The following PTPRR variants were observed in gnomAD, a reference collection of about 807,000 sequenced individuals.
PTPRR encodes the protein receptor-type tyrosine-protein phosphatase R.
In PTPRR, 38 loss-of-function variants were observed where a neutral mutation model predicts 77.2. That is an observed-to-expected ratio of 0.49 (90% CI 0.38 to 0.65). The LOEUF (loss-of-function observed/expected upper bound fraction) is 0.65. Ranked by LOEUF, PTPRR falls within the 30% of genes least tolerant of loss-of-function variation. The probability of loss-of-function intolerance (pLI) is 0.00; values close to 1 mark genes in which losing one functional copy is unlikely to be tolerated. For synonymous variants in PTPRR, 299 were observed against 283.1 expected, an observed-to-expected ratio of 1.06 and a Z score of -0.57; for missense variants, 744 against 799.2, an observed-to-expected ratio of 0.93 and a Z score of 0.83.
At chr12:70,821,214 T>TTTTTTTTTTTTTTTTTTTTTTTG in intron 2 of PTPRR, among the ~76,000 whole-genome samples, 1 of 27,876 alleles carries the variant, frequency 3.6e-5, no homozygotes, top group Non-Finnish European at 5.6e-5. Flanking sequence ...GGATCACTGC[T>TTTTTTTTTTTTTTTTTTTTTTTG]TTTTTTTTTT....
At chr12:70,743,530 A>G (rs1890118300) in intron 6 of PTPRR, among the ~76,000 whole-genome samples, 2 of 152,194 alleles carry the variant, frequency 1.3e-5, no homozygotes, top group South Asian at 4.1e-4. Context: ...GTACAGCTGA[A>G]GGTAGAGGAG....
At chr12:70,820,661 G>A (rs1891991489) in intron 2 of PTPRR, among the ~76,000 whole-genome samples, 1 of 152,064 alleles carries the variant, frequency 6.6e-6, no homozygotes, top group Non-Finnish European at 1.5e-5. Flanking sequence ...TCTCATCCTT[G>A]GGCTCTGCCT....
intron 2 of PTPRR, among the ~76,000 whole-genome samples, chr12:70,862,418 T>G (rs868527631): frequency 2.0e-5 from 3 of 151,890 alleles, no homozygotes; most frequent in Non-Finnish European, 4.4e-5. Context: ...CCATAAAAAA[T>G]GATGAGTTCA....
At chr12:70,765,271 A>T (rs2136968821) in intron 2 of PTPRR, among the ~76,000 whole-genome samples, 1 of 152,290 alleles carries the variant, frequency 6.6e-6, no homozygotes, top group South Asian at 2.1e-4. Flanking sequence ...GAAAGGGGTG[A>T]CAGACGGCAC....
intron 2 of PTPRR, among the ~76,000 whole-genome samples, chr12:70,769,532 C>A (rs1418784845): frequency 6.6e-6 from 1 of 152,160 alleles, no homozygotes; most frequent in African/African-American, 2.4e-5. Flanking sequence ...AATGGAAGAA[C>A]ATTCCATGCT....
At chr12:70,801,734 T>C (rs1479825482) in intron 2 of PTPRR, among the ~76,000 whole-genome samples, 2 of 145,376 alleles carry the variant, frequency 1.4e-5, no homozygotes, top group Non-Finnish European at 3.0e-5. Flanking sequence ...GAGCCACTCC[T>C]TATAATAAAT....
At chr12:70,752,949 C>A (rs1045325195) in intron 5 of PTPRR, among the ~76,000 whole-genome samples, 2 of 152,208 alleles carry the variant, frequency 1.3e-5, no homozygotes, top group African/African-American at 4.8e-5. Flanking sequence ...TCCTCTTAAT[C>A]TCTGCCATGT....
intron 2 of PTPRR, among the ~76,000 whole-genome samples, chr12:70,836,553 C>T (rs960647840): frequency 1.3e-5 from 2 of 151,972 alleles, no homozygotes; most frequent in Admixed American, 1.3e-4. Context: ...TGTAATCTAG[C>T]CCCTTCTCAT....
At chr12:70,802,946 C>T (rs1333012841) in intron 2 of PTPRR, among the ~76,000 whole-genome samples, 2 of 152,178 alleles carry the variant, frequency 1.3e-5, no homozygotes, top group Non-Finnish European at 2.9e-5. Context: ...AATTTACCTA[C>T]TTTAACTCAT....
chr12:70,912,108 A>C (rs537052489), intron 1 of PTPRR, among the ~76,000 whole-genome samples: 3 of 152,322 alleles, frequency 2.0e-5, no homozygotes, highest in African/African-American at 7.2e-5. Flanking sequence ...AAGAAACTAA[A>C]TTGCTTATGA....
intron 6 of PTPRR, among the ~76,000 whole-genome samples, chr12:70,730,368 G>A (rs1267020770): frequency 1.2e-4 from 19 of 152,002 alleles, no homozygotes; most frequent in African/African-American, 4.1e-4. Context: ...AAAATTAGCC[G>A]GGCATGGTGA....
intron 1 of PTPRR, among the ~76,000 whole-genome samples, chr12:70,900,144 G>A (rs1893506251): frequency 6.6e-6 from 1 of 151,396 alleles, no homozygotes; most frequent in Non-Finnish European, 1.5e-5. Flanking sequence ...TGTAGATGTA[G>A]ATATGCTGAT....
intron 6 of PTPRR, among the ~76,000 whole-genome samples, chr12:70,739,290 A>C (rs1172255643): frequency 6.6e-6 from 1 of 152,144 alleles, no homozygotes; most frequent in Non-Finnish European, 1.5e-5. Context: ...TTTTGTATTG[A>C]TTGTTAATTT....
chr12:70,640,983 G>A (rs555278129), intron 13 of PTPRR, among the ~76,000 whole-genome samples: 1 of 152,314 alleles, frequency 6.6e-6, no homozygotes, highest in Non-Finnish European at 1.5e-5. Context: ...ACATTTTGTT[G>A]CATTGAAGGC....
At position 70,745,776 on chromosome 12, in the gene PTPRR, T is replaced by C. The variant is rs77706307; in HGVS notation, c.1007+42A>G. The C allele has an allele frequency of 1.3e-3, 1,989 of 1,572,262 alleles. 34 individuals carry two copies. The African/African-American group carries it at 0.025, about 20-fold the overall frequency. Reference sequence around the variant, plus strand: ...CTTTTTTAGTTGATGAATACTCTTTTTATAAAAAGCCACACGTAGGGTATA... The same window carrying C: ...CTTTTTTAGTTGATGAATACTCTTTCTATAAAAAGCCACACGTAGGGTATA... On this transcript the variant is annotated intron_variant, in intron 6 of 13. Transcript: ENST00000283228.
chr12:70,877,988 A>C (rs1398068332), intron 2 of PTPRR, among the ~76,000 whole-genome samples: 3 of 152,148 alleles, frequency 2.0e-5, no homozygotes, highest in African/African-American at 7.2e-5. Flanking sequence ...TGAGAAAAAC[A>C]AGCAATGGGG....
At chr12:70,744,008 C>T (rs1466226255) in intron 6 of PTPRR, among the ~76,000 whole-genome samples, 2 of 152,094 alleles carry the variant, frequency 1.3e-5, no homozygotes, top group Admixed American at 1.3e-4. Context: ...GATAACATGG[C>T]CTCCTATTGC....
chr12:70,811,418 G>GAA (rs1488254386), intron 2 of PTPRR, among the ~76,000 whole-genome samples: 5 of 152,168 alleles, frequency 3.3e-5, no homozygotes, highest in Admixed American at 3.3e-4. Flanking sequence ...GCATTTTTAA[G>GAA]AATGCTTTGG....
At chr12:70,647,747 T>C (rs987631474) in intron 13 of PTPRR, among the ~76,000 whole-genome samples, 1 of 152,238 alleles carries the variant, frequency 6.6e-6, no homozygotes, top group African/African-American at 2.4e-5. Context: ...ACTAATGTTA[T>C]GGATCTTTTT....
Sources: gnomAD v4.1 joint callset for allele counts (sites outside exome capture counted in the v4.1 genomes callset) on GRCh38, gnomAD v4.1.1 for gene constraint, MANE v1.5 for transcripts, NCBI Gene and HGNC (gene_info 2026-07-23, HGNC 2026-07-21) for gene names.